CCER2: variants seen among roughly 807,000 people sequenced by gnomAD.
The protein encoded by CCER2 is coiled-coil glutamate rich protein 2.
Under a neutral mutation model 27.1 loss-of-function variants are expected in CCER2, and 20 were observed. That is an observed-to-expected ratio of 0.74 (90% CI 0.52 to 1.07). The LOEUF (loss-of-function observed/expected upper bound fraction) is 1.07. Among genes scored for constraint, CCER2 ranks in the 50% least tolerant of loss-of-function variants. CCER2 has a pLI of 0.00. For synonymous variants in CCER2, 140 were observed against 144.3 expected, an observed-to-expected ratio of 0.97 and a Z score of 0.21; for missense variants, 351 against 344.7, an observed-to-expected ratio of 1.02 and a Z score of -0.14.
intron 3 of CCER2, 105 bp from the exon 4 acceptor site, chr19:38,911,188 C>T: frequency 8.4e-7 from 1 of 1,186,358 alleles, no homozygotes; most frequent in Non-Finnish European, 1.1e-6. Flanking sequence ...GCCGTGGCGG[C>T]CGATCACCTG....
At chr19:38,910,160 G>T (rs1353701774) in intron 4 of CCER2, among the ~76,000 whole-genome samples, 1 of 152,206 alleles carries the variant, frequency 6.6e-6, no homozygotes, top group Non-Finnish European at 1.5e-5. Context: ...TAGGATTACA[G>T]GTGTGAGCCA....
intron 4 of CCER2, 135 bp from the exon 5 acceptor site, chr19:38,909,460 G>A (rs1974259708): frequency 1.2e-6 from 1 of 803,818 alleles, no homozygotes; most frequent in East Asian, 2.7e-5. Flanking sequence ...GACCGCGATG[G>A]TGACCATGCT....
chr19:38,910,777 T>C lies in CCER2; in HGVS notation c.497A>G (p.Gln166Arg). Residue 166 changes from glutamine to arginine, a missense_variant, in exon 4 of 5, where the codon CAG becomes CGG. Physicochemically the swap from Gln to Arg is conservative, Grantham distance 43 (BLOSUM62 1). Transcript: ENST00000571838. ...QRHLENGGDL[Q>R]KRVAEKASDK... The stretch of plus-strand genomic sequence containing the variant: ...ACTGGCCTTCTCTGCCACCCGCTTC[T>C]GGAGGTCCCCTCCATTCTCTAGATG... The C allele has an allele frequency of 1.3e-6, 2 of 1,535,110 alleles. No individual in the cohort carries two copies. Among genetic ancestry groups the C allele is most frequent in the Non-Finnish European group, 1.7e-6 (2 of 1,146,418 alleles).
Position 38,909,067 on chromosome 19 carries a change from G to A in CCER2, c.*169C>T. The A allele has an allele frequency of 1.1e-6, 1 of 939,530 alleles. No homozygotes were observed. Among genetic ancestry groups the A allele is most frequent in the Non-Finnish European group, 1.6e-6 (1 of 641,584 alleles). 58.2% of individuals were successfully genotyped at this position (939,530 alleles called of 1,614,324 possible). A position where few individuals can be genotyped will look rare whatever the true frequency, so the allele number is the denominator to read the frequency against. On this transcript the variant is annotated 3_prime_UTR_variant, in exon 5 of 5. Coordinates refer to ENST00000571838, the MANE Select transcript of CCER2 (RefSeq NM_001243212.2). Reference sequence around the variant, plus strand: ...GCTTCCTGTGTCAGGGCTGAGCCCAGCCCCCGGCCCAGCTCAGACTCACCT... The same window carrying A: ...GCTTCCTGTGTCAGGGCTGAGCCCAACCCCCGGCCCAGCTCAGACTCACCT...
Position 38,911,809 on chromosome 19 carries a change from C to T in CCER2, c.102+3G>A. On this transcript the variant is annotated splice_donor_region_variant and intron_variant, in intron 2 of 4. Coordinates refer to ENST00000571838, the MANE Select transcript of CCER2 (RefSeq NM_001243212.2). ...GGCAGGGCAAGGCCTCCACACTCCT[C>T]ACCTCCTCCTTGGAGGGTCTCGGTG... The T allele has an allele frequency of 6.5e-7, 1 of 1,535,156 alleles. No individual in the cohort carries two copies. Among genetic ancestry groups the T allele is most frequent in the Non-Finnish European group, 8.7e-7 (1 of 1,146,596 alleles).
At chr19:38,911,745 G>A in intron 2 of CCER2, 67 bp downstream of exon 2, 1 of 1,527,340 alleles carries the variant, frequency 6.5e-7, no homozygotes, top group South Asian at 1.2e-5. Flanking sequence ...AGGATCATGG[G>A]GCAGGCTGTG....
chr19:38,910,462 G>T, intron 4 of CCER2, 101 bp downstream of exon 4: 1 of 1,402,420 alleles, frequency 7.1e-7, no homozygotes, highest in Non-Finnish European at 9.3e-7. Flanking sequence ...GGATCTGGTG[G>T]TGCAGGGCCA....
chr19:38,912,048 C>T, intron 1 of CCER2, 50 bp downstream of exon 1: 1 of 1,516,754 alleles, frequency 6.6e-7, no homozygotes, highest in Non-Finnish European at 8.8e-7. Context: ...ACTGGAGTCC[C>T]CGCTCCCCGG....
chr19:38,910,054 G>A (rs1568419006), intron 4 of CCER2, among the ~76,000 whole-genome samples: 1 of 152,078 alleles, frequency 6.6e-6, no homozygotes, highest in South Asian at 2.1e-4. Context: ...TAAATTATTT[G>A]TAGAGTCACG....
At chr19:38,909,461 T>G (rs1600154739) in intron 4 of CCER2, 136 bp from the exon 5 acceptor site, 1 of 790,846 alleles carries the variant, frequency 1.3e-6, no homozygotes, top group Non-Finnish European at 2.1e-6. Flanking sequence ...ACCGCGATGG[T>G]GACCATGCTG....
intron 3 of CCER2, among the ~76,000 whole-genome samples, 162 bp from the exon 4 acceptor site, chr19:38,911,245 G>T (rs1568419862): frequency 6.6e-6 from 1 of 152,234 alleles, no homozygotes; most frequent in Non-Finnish European, 1.5e-5. Flanking sequence ...GGAGTTCTGG[G>T]CCCTGCCGAA....
At chr19:38,911,195 C>A (rs1190345151) in intron 3 of CCER2, 112 bp from the exon 4 acceptor site, 3 of 1,142,772 alleles carry the variant, frequency 2.6e-6, no homozygotes, top group East Asian at 5.3e-5. Flanking sequence ...CGGCCGATCA[C>A]CTGAGGTCAG....
chr19:38,911,818 C>A lies in CCER2; in HGVS notation c.96G>T (p.Lys32Asn). Reference sequence around the variant, plus strand: ...AGGCCTCCACACTCCTCACCTCCTCCTTGGAGGGTCTCGGTGCCAAGGGAG... The same window carrying A: ...AGGCCTCCACACTCCTCACCTCCTCATTGGAGGGTCTCGGTGCCAAGGGAG... ...TAAPLAPRPS[K>N]EELTRCLAEV... Residue 32 changes from lysine (K) to asparagine (N), a missense_variant, in exon 2 of 5, where the codon AAG (lysine) becomes AAT (asparagine). Transcript: ENST00000571838. The A allele has an allele frequency of 1.3e-6, 2 of 1,535,212 alleles. No homozygotes were observed. The highest frequency in any genetic ancestry group is 1.7e-6 in the Non-Finnish European group (2 of 1,146,610).
In CCER2 at chr19:38,909,089, A is replaced by G. The variant is rs754009886; in HGVS notation, c.*147T>C. ...CCAGCCCCCGGCCCAGCTCAGACTC[A>G]CCTCCTTGGGTGTGGTTCCAAGGCA... is the stretch of plus-strand genomic sequence containing the variant. On this transcript the variant is annotated 3_prime_UTR_variant, in exon 5 of 5. Transcript: ENST00000571838. 1.7e-5 allele frequency: 17 copies of G among 1,003,774 alleles called. No individual in the cohort carries two copies. The highest frequency in any genetic ancestry group is 2.3e-5 in the Non-Finnish European group (16 of 693,128). The allele number at this position is 1,003,774 out of a possible 1,614,324, so 62.2% of individuals were successfully genotyped here. A position where few individuals can be genotyped will look rare whatever the true frequency, so the allele number is the denominator to read the frequency against.
rs1253698761 is a variant in CCER2 at position 38,911,606 on chromosome 19, G to A, written c.150C>T (p.Gly50=). Reference sequence around the variant, plus strand: ...CAGTGCAGGGTCCTCTCTGGACCTGGCCCACGGTCAGCACCTCTGTGACCA... The same window carrying A: ...CAGTGCAGGGTCCTCTCTGGACCTGACCCACGGTCAGCACCTCTGTGACCA... ...AEVVTEVLTV[G]QVQRGPCTAL... The change falls in exon 3 of 5, where the codon GGC becomes GGT. Residue 50 remains glycine, a synonymous_variant. Coordinates refer to ENST00000571838, the MANE Select transcript of CCER2 (RefSeq NM_001243212.2). 4 of 1,535,352 alleles carry A rather than the reference G, an allele frequency of 2.6e-6. No homozygotes were observed. The highest frequency in any genetic ancestry group is 3.5e-6 in the Non-Finnish European group (4 of 1,146,734).
At chr19:38,909,642 G>A (rs1338350228) in intron 4 of CCER2, among the ~76,000 whole-genome samples, 4 of 151,950 alleles carry the variant, frequency 2.6e-5, no homozygotes, top group African/African-American at 7.3e-5. Flanking sequence ...GCACGATCTC[G>A]GCTCACTGTA....
chr19:38,911,989 G>C, intron 1 of CCER2, 109 bp downstream of exon 1: 4 of 1,474,420 alleles, frequency 2.7e-6, no homozygotes, highest in Non-Finnish European at 3.6e-6. Flanking sequence ...CCCCGCTGGA[G>C]GCTCGGCCCC....
chr19:38,909,475 G>T, intron 4 of CCER2, 150 bp from the exon 5 acceptor site: 1 of 754,446 alleles, frequency 1.3e-6, no homozygotes, highest in Non-Finnish European at 2.2e-6. Context: ...CATGCTGATT[G>T]CCATAACCCC....
intron 2 of CCER2, 64 bp from the exon 3 acceptor site, chr19:38,911,717 G>A (rs1341253875): frequency 2.6e-6 from 4 of 1,525,254 alleles, no homozygotes; most frequent in East Asian, 4.9e-5. Flanking sequence ...GAGGAGAGCA[G>A]CTGGTTTGAG....
Sources: gnomAD v4.1 joint callset for allele counts (sites outside exome capture counted in the v4.1 genomes callset) on GRCh38, gnomAD v4.1.1 for gene constraint, MANE v1.5 for transcripts, NCBI Gene and HGNC (gene_info 2026-07-23, HGNC 2026-07-21) for gene names.